Variants in MOSPD2 observed in about 807,000 individuals in gnomAD.
MOSPD2 encodes motile sperm domain containing 2.
MOSPD2 carries 5 observed loss-of-function variants against 41.7 expected under a neutral mutation model. That is an observed-to-expected ratio of 0.12 (90% CI 0.06 to 0.25). The LOEUF (loss-of-function observed/expected upper bound fraction) is 0.25. Ranked by LOEUF, MOSPD2 falls within the 10% of genes least tolerant of loss-of-function variation. MOSPD2 has a pLI of 1.00. For missense variants in MOSPD2, 282 were observed against 375.2 expected (o/e 0.75, Z 2.05); for synonymous variants, 115 against 126.9 (o/e 0.91, Z 0.63).
At chrX:14,908,353 A>C (rs1029498995) in intron 7 of MOSPD2, among the ~76,000 whole-genome samples, 3 of 111,987 alleles carry the variant, frequency 2.7e-5, no homozygotes, top group African/African-American at 9.7e-5. Flanking sequence ...GGAGAGAGGC[A>C]GAGAAGTGTA....
rs952873278 is a variant in MOSPD2, at chrX:14,873,641, C to T, written c.10-48C>T. 5.0e-6 allele frequency: 6 copies of T among 1,194,080 alleles called. No individual in the cohort carries two copies. The African/African-American group carries it at 1.1e-4, about 21-fold the overall frequency. ...GCAGGTGGGCTGGGTTGAGGGTAAG[C>T]GGGTTGATGCAAGTAGTATCTAAGG... On this transcript the variant is annotated intron_variant, in intron 1 of 14. Transcript: ENST00000380492.
chrX:14,904,007 C>CA lies in MOSPD2; in HGVS notation c.577+1011dup, dbSNP rs778512685. 7.2e-5 allele frequency among the ~76,000 whole-genome samples: 8 copies of CA among 111,226 alleles called. No individual in the cohort carries two copies. The East Asian group carries it at 1.7e-3, about 23-fold the overall frequency. On this transcript the variant is annotated intron_variant, in intron 7 of 14. Coordinates refer to ENST00000380492, the MANE Select transcript of MOSPD2 (RefSeq NM_152581.4). ...TAAAAAAGGAAGTTGAATTAGTAAT[C>CA]AAAAAAAACTTCCCACGAAGAAAAG... is the stretch of plus-strand genomic sequence containing the variant.
At chrX:14,911,140 C>G in intron 8 of MOSPD2, 97 bp from the exon 9 acceptor site, 1 of 731,424 alleles carries the variant, frequency 1.4e-6, no homozygotes, top group Non-Finnish European at 2.0e-6. Context: ...CTAATTAAGT[C>G]TGTTTTCTTG....
chrX:14,907,227 G>A (rs751119464), intron 7 of MOSPD2, among the ~76,000 whole-genome samples: 1 of 112,020 alleles, frequency 8.9e-6, no homozygotes, highest in South Asian at 3.7e-4. Context: ...ACAGGTATTG[G>A]CAAGGATATG....
At chrX:14,894,996 C>T (rs1211958441) in intron 3 of MOSPD2, among the ~76,000 whole-genome samples, 1 of 111,803 alleles carries the variant, frequency 8.9e-6, no homozygotes, top group Non-Finnish European at 1.9e-5. Flanking sequence ...AGAATGTTCT[C>T]TTGAAACTCT....
intron 2 of MOSPD2, among the ~76,000 whole-genome samples, chrX:14,879,421 G>A (rs1182853782): frequency 9.0e-6 from 1 of 111,625 alleles, no homozygotes; most frequent in Non-Finnish European, 1.9e-5. Flanking sequence ...TCTCACAAGC[G>A]TATGGTGGCA....
chrX:14,908,272 A>C, intron 7 of MOSPD2, among the ~76,000 whole-genome samples: 1 of 111,769 alleles, frequency 8.9e-6, no homozygotes, highest in South Asian at 3.7e-4. Context: ...TCTGTCTCAA[A>C]AAAAATTTAA....
At chrX:14,888,205 C>T (rs754732116) in intron 2 of MOSPD2, among the ~76,000 whole-genome samples, 3 of 28,355 alleles carry the variant, frequency 1.1e-4, no homozygotes, top group Admixed American at 3.2e-4. Context: ...TACACACACA[C>T]GCACACACAC....
intron 2 of MOSPD2, among the ~76,000 whole-genome samples, chrX:14,888,206 G>GCACACACACACACACA (rs775166629): frequency 1.8e-5 from 1 of 56,753 alleles, no homozygotes; most frequent in Non-Finnish European, 4.2e-5. Flanking sequence ...ACACACACAC[G>GCACACACACACACACA]CACACACACA....
intron 3 of MOSPD2, 139 bp from the exon 4 acceptor site, chrX:14,895,169 A>G (rs779878276): frequency 2.2e-4 from 99 of 445,645 alleles, no homozygotes; most frequent in Middle Eastern, 6.5e-4. Context: ...TTATATTGCC[A>G]GAGATTTTTT....
chrX:14,920,097 T>C lies in MOSPD2; in HGVS notation c.*288T>C, dbSNP rs918817891. ...TATAATTTATTTTTTCCTTTTGATC[T>C]GAATACTTTTAAAGCTTAAGTTTTA... is the stretch of plus-strand genomic sequence containing the variant. On this transcript the variant is annotated 3_prime_UTR_variant, in exon 15 of 15. Coordinates refer to ENST00000380492, the MANE Select transcript of MOSPD2 (RefSeq NM_152581.4). 30 of 735,636 alleles carry C rather than the reference T, an allele frequency of 4.1e-5. No individual in the cohort carries two copies. The African/African-American group carries it at 6.8e-4, about 17-fold the overall frequency. The allele number at this position is 735,636 out of a possible 1,213,427, so 60.6% of individuals were successfully genotyped here.
intron 2 of MOSPD2, among the ~76,000 whole-genome samples, chrX:14,890,269 G>C (rs2092551403): frequency 9.0e-6 from 1 of 111,433 alleles, no homozygotes; most frequent in Non-Finnish European, 1.9e-5. Context: ...TGACCCTTGA[G>C]TACATGTCCT....
intron 12 of MOSPD2, 126 bp from the exon 13 acceptor site, chrX:14,916,071 T>C (rs1216749138): frequency 9.3e-6 from 10 of 1,074,558 alleles, no homozygotes; most frequent in Non-Finnish European, 1.3e-5. Context: ...TTTTCCTTTT[T>C]AAAGACATTT....
chrX:14,890,464 C>G (rs931513973), intron 2 of MOSPD2, among the ~76,000 whole-genome samples: 1 of 111,342 alleles, frequency 9.0e-6, no homozygotes, highest in African/African-American at 3.3e-5. Flanking sequence ...ACAACAATCT[C>G]TAAGATTACC....
intron 2 of MOSPD2, among the ~76,000 whole-genome samples, chrX:14,889,253 C>A (rs2092549064): frequency 9.0e-6 from 1 of 111,665 alleles, no homozygotes; most frequent in Non-Finnish European, 1.9e-5. Flanking sequence ...TTAGGAGAGG[C>A]TTGCTTCAAA....
At chrX:14,910,931 TACAC>T (rs35768433) in intron 8 of MOSPD2, among the ~76,000 whole-genome samples, 5,777 of 100,594 alleles carry the variant, frequency 0.057, 345 homozygotes, top group African/African-American at 0.18. Flanking sequence ...TCTTTAAAAA[TACAC>T]ACACACACAC....
chrX:14,882,627 TA>T (rs962396441), intron 2 of MOSPD2, among the ~76,000 whole-genome samples: 5 of 111,781 alleles, frequency 4.5e-5, no homozygotes, highest in Non-Finnish European at 7.5e-5. Flanking sequence ...ATTAATTTTT[TA>T]AAAAGTTACC....
intron 14 of MOSPD2, among the ~76,000 whole-genome samples, chrX:14,919,456 A>G (rs1348061466): frequency 8.9e-6 from 1 of 111,752 alleles, no homozygotes; most frequent in African/African-American, 3.3e-5. Context: ...TGTCTCAACT[A>G]GAAATTCAGA....
chrX:14,915,328 T>A (rs1226292871), intron 11 of MOSPD2: 1 of 114,396 alleles, frequency 8.7e-6, no homozygotes, highest in Admixed American at 9.5e-5. Context: ...TAGGTCGAGA[T>A]GCTTTTTTCC....
Sources: allele counts gnomAD v4.1 joint callset (sites outside exome capture counted in the v4.1 genomes callset), GRCh38; gene constraint gnomAD v4.1.1; transcripts MANE v1.5; gene names NCBI Gene and HGNC (gene_info 2026-07-23, HGNC 2026-07-21).